CFAP61: variants seen among roughly 807,000 people sequenced by gnomAD.
CFAP61 encodes the protein cilia- and flagella-associated protein 61.
Under a neutral mutation model 135.6 loss-of-function variants are expected in CFAP61, and 107 were observed. The ratio of observed to expected loss-of-function variants is 0.79; its 90% CI spans 0.67 to 0.93. CFAP61 has a LOEUF of 0.93. Among genes scored for constraint, CFAP61 ranks in the 40% least tolerant of loss-of-function variants. The probability of loss-of-function intolerance (pLI) is 0.00; values close to 1 mark genes in which losing one functional copy is unlikely to be tolerated. For synonymous variants in CFAP61, 575 were observed against 578.5 expected, an observed-to-expected ratio of 0.99 and a Z score of 0.09; for missense variants, 1,507 against 1,556.2, an observed-to-expected ratio of 0.97 and a Z score of 0.53.
At chr20:20,099,580 G>GC (rs1038848421) in intron 8 of CFAP61, among the ~76,000 whole-genome samples, 2 of 17,196 alleles carry the variant, frequency 1.2e-4, no homozygotes, top group Admixed American at 5.4e-4. Context: ...CTCCCACACG[G>GC]GGGGGGGGTT....
At chr20:20,171,976 A>G (rs2054257066) in intron 13 of CFAP61, 1 of 460,708 alleles carries the variant, frequency 2.2e-6, no homozygotes, top group East Asian at 3.5e-5. Context: ...CTTTCCTCTT[A>G]GGGGACATGA....
rs1029938400 is a variant in CFAP61 at position 20,360,239 on chromosome 20, A to G, written c.3543A>G (p.Leu1181=). ...AAGATCTTCCTTCCATAGAGCAGTT[A>G]GCCCATCAAATAGAAGATGAGGAAA... The part of the protein sequence containing the change: ...EEEDLPSIEQ[L]AHQIEDEEIN... Residue 1181 remains leucine (L), a synonymous_variant, in exon 27 of 27, where the codon TTA becomes TTG. Coordinates refer to ENST00000245957, the MANE Select transcript of CFAP61 (RefSeq NM_015585.4). 13 of 1,613,820 alleles carry G rather than the reference A, an allele frequency of 8.1e-6. No homozygotes were observed. The highest frequency in any genetic ancestry group is 1.1e-5 in the Non-Finnish European group (13 of 1,179,934).
At chr20:20,064,235 C>T (rs890039033) in intron 2 of CFAP61, among the ~76,000 whole-genome samples, 1 of 152,046 alleles carries the variant, frequency 6.6e-6, no homozygotes, top group Non-Finnish European at 1.5e-5. Context: ...GTTTGAAGTG[C>T]GACAGGAGAA....
At chr20:20,353,241 A>C (rs2058913095) in intron 26 of CFAP61, among the ~76,000 whole-genome samples, 1 of 152,194 alleles carries the variant, frequency 6.6e-6, no homozygotes, top group African/African-American at 2.4e-5. Flanking sequence ...GGTACACTGG[A>C]GTTCAAAGAT....
Position 20,142,944 on chromosome 20 carries a change from T to TC in CFAP61, c.949dup (p.Gln317ProfsTer23). On this transcript the variant is annotated frameshift_variant, in exon 9 of 27. Coordinates refer to ENST00000245957, the MANE Select transcript of CFAP61 (RefSeq NM_015585.4). LOFTEE classifies it high-confidence loss of function. ...GTCTCTCCAGATACCATGGAAAACATCCAGGTGAGAGAGACTATCCCTCCA... is the reference window on the plus strand; with the variant it reads ...GTCTCTCCAGATACCATGGAAAACATCCCAGGTGAGAGAGACTATCCCTCCA... The TC allele has an allele frequency of 6.3e-7, 1 of 1,578,440 alleles. No homozygotes were observed. Among genetic ancestry groups the TC allele is most frequent in the South Asian group, 1.2e-5 (1 of 86,454 alleles).
At chr20:20,254,831 T>A (rs541159136) in intron 20 of CFAP61, among the ~76,000 whole-genome samples, 53 of 152,334 alleles carry the variant, frequency 3.5e-4, no homozygotes, top group Admixed American at 1.0e-3. Context: ...CACTCTAAAT[T>A]GTTGTGTAAT....
Position 20,232,390 on chromosome 20 carries a change from A to AAG in CFAP61, c.2060+4015_2060+4016insGA, listed in dbSNP as rs1569167232. Among the ~76,000 whole-genome samples the AAG allele has an allele frequency of 8.6e-3, 1,306 of 151,992 alleles. 20 individuals are homozygous for AAG. The highest frequency in any genetic ancestry group is 0.03 in the African/African-American group (1,251 of 41,328). On this transcript the variant is annotated intron_variant, in intron 18 of 26. Coordinates refer to ENST00000245957, the MANE Select transcript of CFAP61 (RefSeq NM_015585.4). ...AATGCTATAGCAAAATAGAAAAAAA[A>AAG]AAGAAGAAGAAGAAGAAGAGAAGGA...
intron 25 of CFAP61, among the ~76,000 whole-genome samples, chr20:20,302,546 T>C (rs2056174440): frequency 6.6e-6 from 1 of 152,136 alleles, no homozygotes; most frequent in East Asian, 1.9e-4. Flanking sequence ...CTTGTAATCC[T>C]GGCTCTTTGA....
chr20:20,237,278 C>A (rs1380880221), intron 18 of CFAP61, among the ~76,000 whole-genome samples: 2 of 152,130 alleles, frequency 1.3e-5, no homozygotes, highest in African/African-American at 2.4e-5. Flanking sequence ...GTGTCGGGTC[C>A]AGGGTTGAGT....
At chr20:20,200,099 A>G (rs376031267) in intron 17 of CFAP61, among the ~76,000 whole-genome samples, 197 bp downstream of exon 17, 4 of 152,292 alleles carry the variant, frequency 2.6e-5, no homozygotes, top group African/African-American at 9.6e-5. Context: ...CGGGAAGCCT[A>G]AAGCAGTAGC....
chr20:20,249,925 A>G (rs1203829628), intron 19 of CFAP61, among the ~76,000 whole-genome samples: 5 of 152,212 alleles, frequency 3.3e-5, no homozygotes, highest in African/African-American at 7.2e-5. Flanking sequence ...GGAAGCCATG[A>G]CATTTCCTGT....
At chr20:20,088,113 C>G (rs570319872) in intron 6 of CFAP61, among the ~76,000 whole-genome samples, 1 of 152,280 alleles carries the variant, frequency 6.6e-6, no homozygotes, top group Admixed American at 6.5e-5. Flanking sequence ...TTTCTGGCTT[C>G]CTGTTTTAGC....
intron 21 of CFAP61, among the ~76,000 whole-genome samples, chr20:20,265,133 A>G (rs967218504): frequency 6.6e-6 from 1 of 152,188 alleles, no homozygotes; most frequent in Non-Finnish European, 1.5e-5. Flanking sequence ...AATGTACCAT[A>G]AGTTCCCCAA....
At chr20:20,213,059 G>A (rs1256189141) in intron 17 of CFAP61, among the ~76,000 whole-genome samples, 1 of 152,136 alleles carries the variant, frequency 6.6e-6, no homozygotes, top group Non-Finnish European at 1.5e-5. Context: ...TTTAAGCAGA[G>A]CCCTGACTCC....
intron 25 of CFAP61, among the ~76,000 whole-genome samples, chr20:20,301,597 C>T (rs2056112476): frequency 6.6e-6 from 1 of 152,166 alleles, no homozygotes; most frequent in Admixed American, 6.5e-5. Flanking sequence ...CCTCCTAGGG[C>T]TTTAATGTGC....
intron 17 of CFAP61, among the ~76,000 whole-genome samples, chr20:20,217,885 C>T (rs777950674): frequency 9.2e-5 from 14 of 152,294 alleles, no homozygotes; most frequent in Non-Finnish European, 1.8e-4. Context: ...AGGTTGCTCT[C>T]AGAACATAAT....
chr20:20,156,717 G>A (rs764105486), intron 9 of CFAP61, among the ~76,000 whole-genome samples: 1 of 151,930 alleles, frequency 6.6e-6, no homozygotes, highest in Non-Finnish European at 1.5e-5. Context: ...CTGTATAATA[G>A]CAATGAACAA....
At chr20:20,340,092 G>A (rs6106236) in intron 25 of CFAP61, among the ~76,000 whole-genome samples, 39,850 of 152,092 alleles carry the variant, frequency 0.26, 5,360 homozygotes, top group East Asian at 0.35. Context: ...GTCTCTGCCA[G>A]GAGCTTGGGC....
At chr20:20,112,940 TG>T (rs1423448889) in intron 8 of CFAP61, among the ~76,000 whole-genome samples, 4 of 152,190 alleles carry the variant, frequency 2.6e-5, no homozygotes, top group Non-Finnish European at 5.9e-5. Flanking sequence ...TTTAGGGAAG[TG>T]GTTTGATTTT....
Sources: allele counts gnomAD v4.1 joint callset (sites outside exome capture counted in the v4.1 genomes callset), GRCh38; gene constraint gnomAD v4.1.1; transcripts MANE v1.5; gene names NCBI Gene and HGNC (gene_info 2026-07-23, HGNC 2026-07-21).